FABP7: variants seen among roughly 807,000 people sequenced by gnomAD.
FABP7 encodes fatty acid binding protein 7.
In FABP7, 13 loss-of-function variants were observed where a neutral mutation model predicts 14.2. The observed-to-expected ratio is 0.91, with a 90% confidence interval of 0.59 to 1.45. FABP7 has a LOEUF of 1.45. Ranked by LOEUF, FABP7 falls within the 40% of genes most tolerant of loss-of-function variation. The pLI, the probability that FABP7 is intolerant of heterozygous loss-of-function variation, is 0.00. For missense variants in FABP7, 149 were observed against 157.6 expected (o/e 0.95, Z 0.29); for synonymous variants, 49 against 51.4 (o/e 0.95, Z 0.20).
Position 122,780,239 on chromosome 6 carries a change from T to C in FABP7, c.74-52T>C, listed in dbSNP as rs73550122. 5.1e-5 allele frequency: 80 copies of C among 1,581,274 alleles called. No individual in the cohort carries two copies. In the African/African-American group the frequency reaches 1.0e-3, roughly 20 times the overall value. On this transcript the variant is annotated intron_variant, in intron 1 of 3. Coordinates refer to ENST00000368444, the MANE Select transcript of FABP7 (RefSeq NM_001446.5). Reference sequence around the variant, plus strand: ...AATCAGAAAGCAGATTCTTGCTTTGTGAGTTATTTTGGAAGTCGCTGCAGA... The same window carrying C: ...AATCAGAAAGCAGATTCTTGCTTTGCGAGTTATTTTGGAAGTCGCTGCAGA...
the FABP7 span, among the ~76,000 whole-genome samples, chr6:122,769,878 C>T: frequency 1.3e-5 from 2 of 151,960 alleles, no homozygotes; most frequent in African/African-American, 4.8e-5. Context: ...AATAATGCCG[C>T]AATTTTATTT....
At chr6:122,767,092 T>C in the FABP7 span, among the ~76,000 whole-genome samples, 2 of 152,066 alleles carry the variant, frequency 1.3e-5, no homozygotes, top group Non-Finnish European at 2.9e-5. Flanking sequence ...TATAAAACAT[T>C]ATTATGCAAT....
upstream of FABP7, among the ~76,000 whole-genome samples, chr6:122,777,799 C>T (rs946528942): frequency 2.7e-5 from 4 of 150,566 alleles, no homozygotes; most frequent in Non-Finnish European, 5.9e-5. Context: ...GCTGAGATCG[C>T]GCCACTGCAC....
At chr6:122,767,755 G>GAAAAAAAAAAAA in the FABP7 span, among the ~76,000 whole-genome samples, 2 of 116,352 alleles carry the variant, frequency 1.7e-5, no homozygotes, top group Admixed American at 8.8e-5. Flanking sequence ...CCACTAAAAG[G>GAAAAAAAAAAAA]AAAAAAAAAA....
chr6:122,769,526 G>A, the FABP7 span, among the ~76,000 whole-genome samples: 2 of 152,024 alleles, frequency 1.3e-5, no homozygotes, highest in African/African-American at 4.8e-5. Flanking sequence ...TGTACGTACT[G>A]GAGAGGCAGA....
the FABP7 span, among the ~76,000 whole-genome samples, chr6:122,766,364 A>C: frequency 6.6e-6 from 1 of 152,154 alleles, no homozygotes; most frequent in Non-Finnish European, 1.5e-5. Context: ...AGAAAGAAGA[A>C]AGACTGTGCA....
At chr6:122,774,517 C>G in the FABP7 span, among the ~76,000 whole-genome samples, 1 of 151,908 alleles carries the variant, frequency 6.6e-6, no homozygotes, top group South Asian at 2.1e-4. Context: ...AGCAAATAAG[C>G]TACTATTTGA....
the FABP7 span, among the ~76,000 whole-genome samples, chr6:122,754,563 A>G: frequency 6.6e-6 from 1 of 151,884 alleles, no homozygotes; most frequent in Non-Finnish European, 1.5e-5. Context: ...AAACTGAAAA[A>G]CATTCGCTTT....
chr6:122,753,816 G>C, the FABP7 span, among the ~76,000 whole-genome samples: 3 of 102,240 alleles, frequency 2.9e-5, no homozygotes. Flanking sequence ...TTTTCCATTG[G>C]CCACTTCATG....
chr6:122,768,503 T>C, the FABP7 span, among the ~76,000 whole-genome samples: 2 of 152,066 alleles, frequency 1.3e-5, no homozygotes, highest in East Asian at 3.9e-4. Flanking sequence ...AAAAAGCAAG[T>C]GATGAGCATG....
At chr6:122,768,398 A>G in the FABP7 span, among the ~76,000 whole-genome samples, 1 of 152,166 alleles carries the variant, frequency 6.6e-6, no homozygotes, top group East Asian at 1.9e-4. Context: ...GTTAATTCCT[A>G]GCATATTACA....
the FABP7 span, among the ~76,000 whole-genome samples, chr6:122,756,758 CA>C: frequency 1.3e-5 from 2 of 152,318 alleles, no homozygotes; most frequent in East Asian, 3.9e-4. Context: ...CTACATTACC[CA>C]GTCTGAAGAT....
At position 122,783,938 on chromosome 6, in the gene FABP7, A is replaced by G. The variant is rs1474099646; in HGVS notation, c.*171A>G. On this transcript the variant is annotated 3_prime_UTR_variant, in exon 4 of 4. Transcript: ENST00000368444. ...ACTCCAAGCAACTTGCCCAATTTTA[A>G]TCTGAAAATTTATCATGTTTTATAA... 2 of 476,636 alleles carry G rather than the reference A, an allele frequency of 4.2e-6. No individual in the cohort carries two copies. Among genetic ancestry groups the G allele is most frequent in the South Asian group, 4.1e-5 (1 of 24,426 alleles). The allele number at this position is 476,636 out of a possible 1,614,324, so 29.5% of individuals were successfully genotyped here.
chr6:122,765,878 T>A, the FABP7 span, among the ~76,000 whole-genome samples: 1 of 152,038 alleles, frequency 6.6e-6, no homozygotes, highest in Non-Finnish European at 1.5e-5. Context: ...GAGAATATAC[T>A]CTTATTCTCT....
At chr6:122,773,158 A>C in the FABP7 span, among the ~76,000 whole-genome samples, 1 of 152,204 alleles carries the variant, frequency 6.6e-6, no homozygotes, top group Non-Finnish European at 1.5e-5. Flanking sequence ...ATTTGTAAGT[A>C]ACTAGAATTT....
the FABP7 span, among the ~76,000 whole-genome samples, chr6:122,758,746 T>C: frequency 6.6e-6 from 1 of 152,352 alleles, no homozygotes; most frequent in African/African-American, 2.4e-5. Context: ...ACTTATGTCA[T>C]CTTCATCTCA....
the FABP7 span, among the ~76,000 whole-genome samples, chr6:122,768,512 T>C: frequency 6.6e-6 from 1 of 152,012 alleles, no homozygotes; most frequent in Admixed American, 6.6e-5. Context: ...GTGATGAGCA[T>C]GAGATTCAGG....
At chr6:122,758,130 A>G in the FABP7 span, among the ~76,000 whole-genome samples, 1 of 121,118 alleles carries the variant, frequency 8.3e-6, no homozygotes, top group African/African-American at 2.9e-5. Context: ...TTTTTAATTA[A>G]CAGAGTCTTG....
the FABP7 span, among the ~76,000 whole-genome samples, chr6:122,770,018 C>A: frequency 3.3e-5 from 5 of 151,962 alleles, no homozygotes; most frequent in African/African-American, 4.8e-5. Context: ...ATTTATCAAA[C>A]CATATTGATA....
Sources: gnomAD v4.1 joint callset for allele counts (sites outside exome capture counted in the v4.1 genomes callset) on GRCh38, gnomAD v4.1.1 for gene constraint, MANE v1.5 for transcripts, NCBI Gene and HGNC (gene_info 2026-07-23, HGNC 2026-07-21) for gene names.